The following SLC25A26 variants were observed in gnomAD, a reference collection of about 807,000 sequenced individuals.
The protein encoded by SLC25A26 is mitochondrial S-adenosylmethionine carrier protein.
SLC25A26 carries 36 observed loss-of-function variants against 37.8 expected under a neutral mutation model. The observed-to-expected ratio is 0.95, with a 90% CI of 0.73 to 1.26. The LOEUF is 1.26. SLC25A26 is among the 50% of genes most tolerant of loss of function. SLC25A26 has a pLI of 0.00. For synonymous variants in SLC25A26, 129 were observed against 122.5 expected (o/e 1.05, Z -0.35); for missense variants, 390 against 331.1 (o/e 1.18, Z -1.38).
At chr3:66,279,991 C>T (rs557092280) in intron 5 of SLC25A26, among the ~76,000 whole-genome samples, 38 of 152,200 alleles carry the variant, frequency 2.5e-4, no homozygotes, top group South Asian at 1.4e-3. Context: ...TCTGTGTTCA[C>T]AGTCAGCTAT....
At chr3:66,320,052 A>G (rs778289354) in intron 5 of SLC25A26, among the ~76,000 whole-genome samples, 48 of 152,150 alleles carry the variant, frequency 3.2e-4, no homozygotes, top group Admixed American at 2.2e-3. Flanking sequence ...TTAGACAAAT[A>G]ATTGAGACTA....
At chr3:66,376,270 A>C (rs1045927789) in intron 9 of SLC25A26, among the ~76,000 whole-genome samples, 3 of 152,176 alleles carry the variant, frequency 2.0e-5, no homozygotes, top group African/African-American at 7.2e-5. Context: ...TCATCAATTT[A>C]GTTGAGAAAA....
chr3:66,262,798 C>G (rs1038242647), intron 4 of SLC25A26, among the ~76,000 whole-genome samples: 3 of 152,196 alleles, frequency 2.0e-5, no homozygotes, highest in African/African-American at 7.2e-5. Flanking sequence ...GCTAGTATAA[C>G]TTCCCCGTTG....
intron 5 of SLC25A26, among the ~76,000 whole-genome samples, chr3:66,298,592 A>G (rs1285174754): frequency 6.6e-6 from 1 of 152,200 alleles, no homozygotes; most frequent in Non-Finnish European, 1.5e-5. Flanking sequence ...AAGAGCATTT[A>G]AGGGGCACAG....
chr3:66,182,850 T>G (rs2070742331), intron 1 of SLC25A26, among the ~76,000 whole-genome samples: 3 of 152,134 alleles, frequency 2.0e-5, no homozygotes, highest in Admixed American at 2.0e-4. Flanking sequence ...TCAATGAGCC[T>G]GAAGGATGCA....
chr3:66,265,951 C>T (rs553186074), intron 5 of SLC25A26, among the ~76,000 whole-genome samples: 9 of 152,110 alleles, frequency 5.9e-5, no homozygotes, highest in South Asian at 4.1e-4. Flanking sequence ...ATTTACATGC[C>T]GGAGAATACT....
In SLC25A26 at chr3:66,326,792, G is replaced by A. The variant is rs560366002; in HGVS notation, c.454-19572G>A. Among the ~76,000 whole-genome samples, 3 of 152,258 alleles carry A rather than the reference G, an allele frequency of 2.0e-5. No homozygotes were observed. The South Asian group carries it at 6.2e-4, about 32-fold the overall frequency. On this transcript the variant is annotated intron_variant, in intron 5 of 9. Coordinates refer to ENST00000354883, the MANE Select transcript of SLC25A26 (RefSeq NM_001379210.1). ...TCTTCAGAAGCCTCCAGCGGAAAAA[G>A]AATACCAAGAAAAAGGACACATCTC...
At chr3:66,199,293 C>T (rs954411313) in intron 1 of SLC25A26, among the ~76,000 whole-genome samples, 185 of 152,066 alleles carry the variant, frequency 1.2e-3, no homozygotes, top group Non-Finnish European at 2.5e-3. Context: ...CACATGGACT[C>T]TTACCTCATG....
rs116936114 is a variant in SLC25A26, at chr3:66,145,685, A to G, written c.-354+11701A>G. ...TGTATTCTCATTTAAAGCTAAATAA[A>G]CAGATGGAAATAGAAATTAGAAGGT... is the stretch of plus-strand genomic sequence containing the variant. On this transcript the variant is annotated intron_variant, in intron 1 of 10. Transcript: ENST00000676754. Among the ~76,000 whole-genome samples, 184 of 152,324 alleles carry G rather than the reference A, an allele frequency of 1.2e-3. 6 individuals are homozygous for G. The East Asian group carries it at 0.033, about 27-fold the overall frequency.
At chr3:66,349,514 C>T (rs377664964) in intron 6 of SLC25A26, among the ~76,000 whole-genome samples, 18 of 151,862 alleles carry the variant, frequency 1.2e-4, no homozygotes, top group African/African-American at 4.3e-4. Context: ...TTTTGAGATG[C>T]TTTCCTGTTG....
chr3:66,378,096 A>T lies in SLC25A26; in HGVS notation c.*289A>T, dbSNP rs1575634316. 1 of 289,714 alleles carries T rather than the reference A, an allele frequency of 3.5e-6. No individual in the cohort carries two copies. Among genetic ancestry groups the T allele is most frequent in the Non-Finnish European group, 6.5e-6 (1 of 154,470 alleles). The allele number at this position is 289,714 out of a possible 1,614,324, so 17.9% of individuals were successfully genotyped here. A position where few individuals can be genotyped will look rare whatever the true frequency, so the allele number is the denominator to read the frequency against. ...GTAATGCTGAGGCCAGGCCTTTTAG[A>T]GCTTTCATTTGATCTGTATCTGATC... On this transcript the variant is annotated 3_prime_UTR_variant, in exon 10 of 10. Transcript: ENST00000354883.
chr3:66,304,390 T>C (rs977993884), intron 5 of SLC25A26: 5 of 455,508 alleles, frequency 1.1e-5, no homozygotes, highest in African/African-American at 1.0e-4. Context: ...TCTTCCCTTT[T>C]CTGTTCAGTT....
chr3:66,217,918 C>T (rs2071385559), upstream of SLC25A26, among the ~76,000 whole-genome samples: 1 of 152,222 alleles, frequency 6.6e-6, no homozygotes, highest in African/African-American at 2.4e-5. Context: ...TAAATGTACA[C>T]ACCCATGCGA....
At chr3:66,331,309 G>C (rs748214288) in intron 5 of SLC25A26, among the ~76,000 whole-genome samples, 9 of 152,026 alleles carry the variant, frequency 5.9e-5, no homozygotes, top group Non-Finnish European at 1.2e-4. Context: ...TCCCTAGGTA[G>C]TTTGAATTTG....
chr3:66,274,844 G>A (rs374172523), intron 5 of SLC25A26, among the ~76,000 whole-genome samples: 14 of 151,868 alleles, frequency 9.2e-5, no homozygotes, highest in South Asian at 6.2e-4. Context: ...TCAGTGTGGC[G>A]ATTCCTCAGG....
At chr3:66,368,936 A>T (rs1284748726) in intron 7 of SLC25A26, among the ~76,000 whole-genome samples, 1 of 151,380 alleles carries the variant, frequency 6.6e-6, no homozygotes, top group African/African-American at 2.4e-5. Context: ...TGGAGAGATC[A>T]CTTGAGCCTA....
At chr3:66,354,943 A>G (rs931723019) in intron 6 of SLC25A26, among the ~76,000 whole-genome samples, 2 of 152,194 alleles carry the variant, frequency 1.3e-5, no homozygotes, top group African/African-American at 4.8e-5. Flanking sequence ...ATGAAACTGT[A>G]AGTCCAATTA....
chr3:66,266,577 T>G (rs1048370027), intron 5 of SLC25A26, among the ~76,000 whole-genome samples: 1 of 82,350 alleles, frequency 1.2e-5, no homozygotes, highest in Non-Finnish European at 2.5e-5. Context: ...GTTGTCACAC[T>G]TTTTTTTTTT....
intron 5 of SLC25A26, among the ~76,000 whole-genome samples, chr3:66,312,358 G>A (rs889674847): frequency 2.0e-5 from 3 of 152,114 alleles, no homozygotes; most frequent in Non-Finnish European, 4.4e-5. Context: ...ACCCCAGGTC[G>A]ACTTCAGAAT....
Sources: gnomAD v4.1 joint callset for allele counts (sites outside exome capture counted in the v4.1 genomes callset) on GRCh38, gnomAD v4.1.1 for gene constraint, MANE v1.5 for transcripts, NCBI Gene and HGNC (gene_info 2026-07-23, HGNC 2026-07-21) for gene names.